Variants in NR2C2 observed in about 807,000 individuals in gnomAD.
NR2C2 encodes Nuclear hormone receptor TR4.
In NR2C2, 6 loss-of-function variants were observed where a neutral mutation model predicts 62.9. The observed-to-expected ratio is 0.10, with a 90% CI of 0.05 to 0.19. The LOEUF (loss-of-function observed/expected upper bound fraction) is 0.19, where lower values mean the gene tolerates loss of function less well. Among genes scored for constraint, NR2C2 ranks in the 10% least tolerant of loss-of-function variants. NR2C2 has a pLI of 1.00. For missense variants in NR2C2, 479 were observed against 762.7 expected (o/e 0.63, Z 4.38); for synonymous variants, 272 against 273.8 (o/e 0.99, Z 0.07).
At chr3:15,022,026 A>G (rs1487064200) in intron 5 of NR2C2, among the ~76,000 whole-genome samples, 1 of 152,248 alleles carries the variant, frequency 6.6e-6, no homozygotes, top group Admixed American at 6.5e-5. Context: ...TCAATGATGA[A>G]TATTTTTACT....
chr3:15,013,807 G>C lies in NR2C2; in HGVS notation c.273+18G>C. 5.6e-6 allele frequency: 9 copies of C among 1,613,392 alleles called. No homozygotes were observed. The highest frequency in any genetic ancestry group is 7.6e-6 in the Non-Finnish European group (9 of 1,179,358). On this transcript the variant is annotated intron_variant, in intron 3 of 13. Coordinates refer to ENST00000425241, the MANE Select transcript of NR2C2 (RefSeq NM_001291694.2). ...GGATCCAGGTAAGGCCTTTGGACAGGTATTTGTTTCAGCACTTCTGCTATT... is the reference window on the plus strand; with the variant it reads ...GGATCCAGGTAAGGCCTTTGGACAGCTATTTGTTTCAGCACTTCTGCTATT...
chr3:15,007,191 G>A (rs1469437647), intron 2 of NR2C2, among the ~76,000 whole-genome samples: 2 of 144,902 alleles, frequency 1.4e-5, no homozygotes, highest in African/African-American at 2.6e-5. Flanking sequence ...GTAGTGGCGC[G>A]ATCTTGGCTC....
At position 15,045,765 on chromosome 3, in the gene NR2C2, A is replaced by G. The variant is rs572572604; in HGVS notation, c.*2757A>G. 3.3e-5 allele frequency: 5 copies of G among 152,702 alleles called. No homozygotes were observed. In the South Asian group the frequency reaches 1.0e-3, roughly 32 times the overall value. The allele number at this position is 152,702 out of a possible 1,614,324, so 9.5% of individuals were successfully genotyped here. A position where few individuals can be genotyped will look rare whatever the true frequency, so the allele number is the denominator to read the frequency against. ...ATAGCCCTTATTAGCAGTTTGTGAA[A>G]CTTTGGGTTTCATGAAGTGAGACCT... On this transcript the variant is annotated 3_prime_UTR_variant, in exon 14 of 14. Coordinates refer to ENST00000425241, the MANE Select transcript of NR2C2 (RefSeq NM_001291694.2).
At position 14,986,863 on chromosome 3, in the gene NR2C2, G is replaced by A. The variant is rs777572228; in HGVS notation, c.-39-17013G>A. On this transcript the variant is annotated intron_variant, in intron 1 of 13. Transcript: ENST00000425241. ...ATAGGAGTGCCACCCAAACGTGAACGTAATTCTAAGTGTAGTGTGTTTCCA... is the reference window on the plus strand; with the variant it reads ...ATAGGAGTGCCACCCAAACGTGAACATAATTCTAAGTGTAGTGTGTTTCCA... Among the ~76,000 whole-genome samples, 9 of 152,186 alleles carry A rather than the reference G, an allele frequency of 5.9e-5. 1 individual carries two copies. In the South Asian group the frequency reaches 1.0e-3, roughly 17 times the overall value.
intron 1 of NR2C2, among the ~76,000 whole-genome samples, chr3:14,975,994 G>A (rs530875681): frequency 7.4e-4 from 112 of 151,946 alleles, no homozygotes; most frequent in Admixed American, 6.5e-3. Context: ...GGCTGACCTC[G>A]AACTCCTGGG....
chr3:14,995,374 C>CA (rs538534013), intron 1 of NR2C2, among the ~76,000 whole-genome samples: 2 of 149,988 alleles, frequency 1.3e-5, no homozygotes, highest in South Asian at 4.2e-4. Flanking sequence ...CAGCCCTAGG[C>CA]AACTGCTACT....
intron 1 of NR2C2, among the ~76,000 whole-genome samples, chr3:14,965,686 A>G (rs1353717685): frequency 3.3e-5 from 5 of 151,380 alleles, no homozygotes; most frequent in African/African-American, 1.2e-4. Flanking sequence ...TTTGAGACAG[A>G]GTTTCGCTCT....
At chr3:15,020,977 G>A in intron 5 of NR2C2, 45 bp downstream of exon 5, 1 of 1,538,144 alleles carries the variant, frequency 6.5e-7, no homozygotes, top group Non-Finnish European at 8.9e-7. Context: ...TGTGGAGGGA[G>A]ACAGTAAATG....
At chr3:14,973,816 T>C (rs1029166707) in intron 1 of NR2C2, among the ~76,000 whole-genome samples, 6 of 152,170 alleles carry the variant, frequency 3.9e-5, no homozygotes, top group Non-Finnish European at 5.9e-5. Flanking sequence ...TAAAATTTAC[T>C]CTCTTAACCG....
chr3:15,034,622 G>A (rs2125072329), intron 10 of NR2C2, 48 bp from the exon 11 acceptor site: 2 of 1,592,822 alleles, frequency 1.3e-6, no homozygotes, highest in Middle Eastern at 1.7e-4. Flanking sequence ...CACAACCTTG[G>A]AGAAATGCCA....
intron 5 of NR2C2, among the ~76,000 whole-genome samples, chr3:15,021,659 G>C (rs905942720): frequency 1.3e-5 from 2 of 152,246 alleles, no homozygotes; most frequent in African/African-American, 4.8e-5. Flanking sequence ...GAGCTTAGCA[G>C]AGCAAGGCAT....
At chr3:15,028,534 G>C (rs1045794138) in intron 7 of NR2C2, 52 bp from the exon 8 acceptor site, 2 of 1,575,092 alleles carry the variant, frequency 1.3e-6, no homozygotes. Flanking sequence ...TGGCCTGAGA[G>C]TCATTTGCGT....
chr3:15,008,577 G>T (rs896138201), intron 2 of NR2C2, among the ~76,000 whole-genome samples: 2 of 152,044 alleles, frequency 1.3e-5, no homozygotes, highest in African/African-American at 4.8e-5. Flanking sequence ...TCCAGTGGCT[G>T]GTTTTTGCCT....
intron 5 of NR2C2, among the ~76,000 whole-genome samples, chr3:15,021,371 C>T (rs1343090439): frequency 2.0e-5 from 3 of 152,192 alleles, no homozygotes; most frequent in Non-Finnish European, 4.4e-5. Flanking sequence ...TTCTTAGCCC[C>T]TCTACTTTCT....
intron 13 of NR2C2, among the ~76,000 whole-genome samples, chr3:15,041,049 G>A (rs1455728820): frequency 6.6e-6 from 1 of 152,198 alleles, no homozygotes; most frequent in Non-Finnish European, 1.5e-5. Flanking sequence ...TCCAGTCAGG[G>A]ACCCAGGGTT....
rs970901110 is a variant in NR2C2, at chr3:15,045,720, C to G, written c.*2712C>G. 6.5e-6 allele frequency: 1 copy of G among 152,792 alleles called. No homozygotes were observed. Among genetic ancestry groups the G allele is most frequent in the South Asian group, 2.1e-4 (1 of 4,828 alleles). The allele number at this position is 152,792 out of a possible 1,614,324, so 9.5% of individuals were successfully genotyped here. ...AAGAGATGCAAACCAAATATTTGGG[C>G]TCCAACTTTCACAGGGCTTATAGCC... is the stretch of plus-strand genomic sequence containing the variant. On this transcript the variant is annotated 3_prime_UTR_variant, in exon 14 of 14. Coordinates refer to ENST00000425241, the MANE Select transcript of NR2C2 (RefSeq NM_001291694.2).
chr3:15,027,770 T>G (rs2041864224), intron 7 of NR2C2, among the ~76,000 whole-genome samples: 1 of 152,070 alleles, frequency 6.6e-6, no homozygotes. Context: ...GCTAATTTTT[T>G]TACTTTTTGT....
intron 12 of NR2C2, 119 bp downstream of exon 12, chr3:15,038,256 T>C (rs542600174): frequency 7.5e-4 from 792 of 1,053,686 alleles, no homozygotes; most frequent in Non-Finnish European, 9.9e-4. Context: ...TGTGACCTAG[T>C]GTTCTTATGA....
At chr3:15,016,747 T>C in intron 4 of NR2C2, among the ~76,000 whole-genome samples, 1 of 152,106 alleles carries the variant, frequency 6.6e-6, no homozygotes. Flanking sequence ...CTGGGAGCCT[T>C]GGTAATTGTG....
Sources: allele counts gnomAD v4.1 joint callset (sites outside exome capture counted in the v4.1 genomes callset), GRCh38; gene constraint gnomAD v4.1.1; transcripts MANE v1.5; gene names NCBI Gene and HGNC (gene_info 2026-07-23, HGNC 2026-07-21).